The following SRCIN1 variants were observed in gnomAD, a reference collection of about 807,000 sequenced individuals.
SRCIN1 encodes SRC kinase signaling inhibitor 1, also known as P130Cas-associated protein.
In SRCIN1, 50 loss-of-function variants were observed where a neutral mutation model predicts 116.2. The ratio of observed to expected loss-of-function variants is 0.43; its 90% CI spans 0.34 to 0.54. SRCIN1 has a LOEUF of 0.54. SRCIN1 is among the 20% of genes least tolerant of loss of function. SRCIN1 has a pLI of 0.02. For synonymous variants in SRCIN1, 736 were observed against 750.0 expected, an observed-to-expected ratio of 0.98 and a Z score of 0.30; for missense variants, 1,446 against 1,672.0, an observed-to-expected ratio of 0.86 and a Z score of 2.36.
chr17:38,589,462 C>T (rs1455963584), intron 1 of SRCIN1, among the ~76,000 whole-genome samples: 1 of 152,206 alleles, frequency 6.6e-6, no homozygotes, highest in Non-Finnish European at 1.5e-5. Flanking sequence ...ATGGAGGCGA[C>T]ATCTTCAGCT....
At chr17:38,605,988 G>A (rs1048305036), upstream of SRCIN1, 10 of 144,514 alleles carry the variant, frequency 6.9e-5, no homozygotes, top group African/African-American at 2.2e-4. Flanking sequence ...TGTCACTGCG[G>A]GCGGGCGCGC....
At chr17:38,533,534 G>A in intron 18 of SRCIN1, 103 bp from the exon 19 acceptor site, 1 of 774,606 alleles carries the variant, frequency 1.3e-6, no homozygotes. Context: ...CAAATCCAAG[G>A]AAATTAACTG....
At position 38,561,541 on chromosome 17, in the gene SRCIN1, G is replaced by A. The variant is rs756455679; in HGVS notation, c.1622C>T (p.Ser541Leu). ...TTCCCCAGGCCCAGGGAAGAGCTCC[G>A]AAGGGGGAGCTCCGGCCGTCGAGGC... ...GSASTAGAPP[S>L]ELFPGPGERS... The change falls in exon 7 of 19, where the codon TCG becomes TTG. Residue 541 changes from serine (S) to leucine (L), a missense_variant. Physicochemically the swap from Ser to Leu is moderately radical, Grantham distance 145. Transcript: ENST00000617146. 2 of 1,601,146 alleles carry A rather than the reference G, an allele frequency of 1.2e-6. No homozygotes were observed. The highest frequency in any genetic ancestry group is 1.1e-5 in the South Asian group (1 of 90,502).
chr17:38,606,968 T>C (rs750743529), upstream of SRCIN1, among the ~76,000 whole-genome samples: 19 of 152,180 alleles, frequency 1.2e-4, no homozygotes, highest in Non-Finnish European at 2.2e-4. The surrounding 1 kb of genome is among the most constrained non-coding windows in gnomAD (Gnocchi z 5.2). Context: ...AAAAGCAGTT[T>C]AGGTGAGCAA....
Position 38,598,757 on chromosome 17 carries a change from G to C in SRCIN1, c.22+6927C>G, listed in dbSNP as rs1372416166. 5.3e-5 allele frequency among the ~76,000 whole-genome samples: 8 copies of C among 152,340 alleles called. No homozygotes were observed. The East Asian group carries it at 1.5e-3, about 29-fold the overall frequency. On this transcript the variant is annotated intron_variant, in intron 1 of 18. Coordinates refer to ENST00000617146, the MANE Select transcript of SRCIN1 (RefSeq NM_025248.3). ...GCCAGGATAAGGCTGTGGGGGAGCTGAGCCACCAGCTTGAAGTGCCTTGTG... is the reference window on the plus strand; with the variant it reads ...GCCAGGATAAGGCTGTGGGGGAGCTCAGCCACCAGCTTGAAGTGCCTTGTG...
upstream of SRCIN1, among the ~76,000 whole-genome samples, chr17:38,606,796 G>A (rs902556499): frequency 3.3e-5 from 5 of 152,174 alleles, no homozygotes; most frequent in Admixed American, 3.3e-4. This position sits in a 1 kb window ranked among gnomAD's most constrained non-coding sequence, Gnocchi z 5.2. Context: ...CGCTGACCCG[G>A]ACCCAGACCC....
At position 38,551,282 on chromosome 17, in the gene SRCIN1, G is replaced by A; in HGVS notation, c.2835C>T (p.Ile945=). The change falls in exon 15 of 19, where the codon ATC becomes ATT. Residue 945 remains isoleucine (I), a synonymous_variant. Coordinates refer to ENST00000617146, the MANE Select transcript of SRCIN1 (RefSeq NM_025248.3). ...CCTTGCTGGCACAGTCCAGGTCAGG[G>A]ATGGCCTTGAGCAGCTCTGCCTGTG... ...EETQAELLKA[I]PDLDCASKAH... The A allele has an allele frequency of 6.2e-7, 1 of 1,613,802 alleles. No individual in the cohort carries two copies. Among genetic ancestry groups the A allele is most frequent in the Non-Finnish European group, 8.5e-7 (1 of 1,179,834 alleles).
intron 3 of SRCIN1, among the ~76,000 whole-genome samples, chr17:38,566,838 G>GTGTTTTGTTTTGTTT (rs71138632): frequency 0.01 from 1,510 of 147,572 alleles, 36 homozygotes; most frequent in African/African-American, 0.035. Flanking sequence ...GCATCCTCTC[G>GTGTTTTGTTTTGTTT]TGTTTTGTTT....
rs1322207156 is a variant in SRCIN1 at position 38,531,260 on chromosome 17, G to A, written c.*2037C>T. 7 of 152,164 alleles carry A rather than the reference G, an allele frequency of 4.6e-5. No individual in the cohort carries two copies. The highest frequency in any genetic ancestry group is 2.0e-4 in the Admixed American group (3 of 15,252). The allele number at this position is 152,164 out of a possible 1,614,324, so 9.4% of individuals were successfully genotyped here. Reference sequence around the variant, plus strand: ...GCACCACTCCCCCCTCCCCTCCCAAGTCAGGGGGTCTCTGTACAGCCAAAT... The same window carrying A: ...GCACCACTCCCCCCTCCCCTCCCAAATCAGGGGGTCTCTGTACAGCCAAAT... On this transcript the variant is annotated 3_prime_UTR_variant, in exon 19 of 19. Transcript: ENST00000617146.
chr17:38,535,708 T>A (rs764748674), intron 18 of SRCIN1, among the ~76,000 whole-genome samples: 1 of 152,128 alleles, frequency 6.6e-6, no homozygotes, highest in Non-Finnish European at 1.5e-5. Context: ...CTGACCACTG[T>A]GTCACTTACC....
rs1908074966 is a variant in SRCIN1, at chr17:38,585,693, A to G, written c.23-6902T>C. On this transcript the variant is annotated intron_variant, in intron 1 of 18. Transcript: ENST00000617146. The surrounding 1 kb of genome is among the most constrained non-coding windows in gnomAD (Gnocchi z 4.2). Reference sequence around the variant, plus strand: ...TTTCTAAAACCATCTTTTCCGCCCCATACCACAGCAACCAAAGTCATTTTC... The same window carrying G: ...TTTCTAAAACCATCTTTTCCGCCCCGTACCACAGCAACCAAAGTCATTTTC... 1.3e-5 allele frequency among the ~76,000 whole-genome samples: 2 copies of G among 152,168 alleles called. No homozygotes were observed.
intron 1 of SRCIN1, 98 bp downstream of exon 1, chr17:38,605,586 C>T (rs1435853949): frequency 2.9e-6 from 3 of 1,032,450 alleles, no homozygotes; most frequent in African/African-American, 1.8e-5. Context: ...CGGCCGCCGC[C>T]CCCGCCCCCG....
In SRCIN1 at chr17:38,563,959, G is replaced by GA; in HGVS notation, c.541+158dup. ...GTGGGGATGCTGAGGGCGAGAGAGA[G>GA]ATGGAGAGAGCTGGGGTTGCTTGGG... On this transcript the variant is annotated intron_variant, in intron 4 of 18. Transcript: ENST00000617146. The surrounding 1 kb of genome is among the most constrained non-coding windows in gnomAD (Gnocchi z 5.8). 1.3e-6 allele frequency: 1 copy of GA among 789,978 alleles called. No individual in the cohort carries two copies. The highest frequency in any genetic ancestry group is 2.0e-6 in the Non-Finnish European group (1 of 498,538). 48.9% of individuals were successfully genotyped at this position (789,978 alleles called of 1,614,324 possible).
chr17:38,540,521 C>A (rs962454451), intron 18 of SRCIN1, among the ~76,000 whole-genome samples: 1 of 151,616 alleles, frequency 6.6e-6, no homozygotes, highest in South Asian at 2.1e-4. Flanking sequence ...ATTGTACAGA[C>A]GAAGAAAGGG....
intron 18 of SRCIN1, among the ~76,000 whole-genome samples, chr17:38,537,133 G>A (rs1428150879): frequency 1.3e-5 from 2 of 151,622 alleles, no homozygotes; most frequent in East Asian, 1.9e-4. Context: ...AGCCGAGATC[G>A]CACCACTGCA....
chr17:38,578,824 C>G, intron 1 of SRCIN1, 33 bp from the exon 2 acceptor site: 1 of 1,452,078 alleles, frequency 6.9e-7, no homozygotes. Flanking sequence ...GGCTGGGTCA[C>G]GGCGCGCCCG....
chr17:38,555,979 A>G (rs567634599), intron 11 of SRCIN1, among the ~76,000 whole-genome samples: 8 of 152,304 alleles, frequency 5.3e-5, no homozygotes, highest in East Asian at 3.9e-4. Context: ...CCTAAGCTCA[A>G]TCGGCAACTT....
intron 18 of SRCIN1, among the ~76,000 whole-genome samples, chr17:38,534,378 C>G (rs2040970947): frequency 6.6e-6 from 1 of 152,214 alleles, no homozygotes; most frequent in Non-Finnish European, 1.5e-5. Flanking sequence ...GCAGGTGCCC[C>G]AGGTGCCTCT....
At chr17:38,553,611 G>C (rs764829673) in intron 11 of SRCIN1, among the ~76,000 whole-genome samples, 1 of 152,140 alleles carries the variant, frequency 6.6e-6, no homozygotes, top group Admixed American at 6.5e-5. Flanking sequence ...GGCCAAAGCT[G>C]AGTTAGATTT....
Sources: allele counts gnomAD v4.1 joint callset (sites outside exome capture counted in the v4.1 genomes callset), GRCh38; gene constraint gnomAD v4.1.1; non-coding constraint Gnocchi (gnomAD v3.1); transcripts MANE v1.5; gene names NCBI Gene and HGNC (gene_info 2026-07-23, HGNC 2026-07-21).